Variants in STC1 observed in about 807,000 individuals in gnomAD.
STC1 encodes stanniocalcin-1.
A neutral mutation model predicts 22.6 loss-of-function variants in STC1; 7 were observed. The ratio of observed to expected loss-of-function variants is 0.31; its 90% CI spans 0.18 to 0.58. STC1 has a LOEUF of 0.58. Ranked by LOEUF, STC1 falls within the 20% of genes least tolerant of loss-of-function variation. STC1 has a pLI of 0.89. For synonymous variants in STC1, 113 were observed against 120.7 expected (o/e 0.94, Z 0.42); for missense variants, 224 against 311.0 (o/e 0.72, Z 2.10).
At chr8:23,853,035 AAAAGAAAGAAAGAAAG>A (rs34552249) in intron 1 of STC1, among the ~76,000 whole-genome samples, 7 of 150,708 alleles carry the variant, frequency 4.6e-5, no homozygotes, top group African/African-American at 1.7e-4. Flanking sequence ...AGCCTTTTAA[AAAAGAAAGAAAGAAAG>A]AAAGAAAGAA....
At chr8:23,854,022 A>G in intron 1 of STC1, 1 of 1,034,186 alleles carries the variant, frequency 9.7e-7, no homozygotes, top group Admixed American at 4.8e-5. Context: ...GAAGAGGGAC[A>G]GCATCAAACA....
At chr8:23,846,251 C>G (rs1426723103) in intron 3 of STC1, among the ~76,000 whole-genome samples, 3 of 152,190 alleles carry the variant, frequency 2.0e-5, no homozygotes, top group Non-Finnish European at 4.4e-5. Flanking sequence ...AAGGATTAAA[C>G]TGTCTAATAT....
Position 23,844,853 on chromosome 8 carries a change from T to C in STC1, c.661A>G (p.Lys221Glu), listed in dbSNP as rs1802552835. The change falls in exon 4 of 4, where the codon AAG becomes GAG. Residue 221 changes from lysine to glutamate, a missense_variant. Coordinates refer to ENST00000290271, the MANE Select transcript of STC1 (RefSeq NM_003155.3). ...AGGTTCCTGAGGAGGACTTTCAGCT[T>C]CTGCGGCTCATTGGTGCGTCTCCTG... is the stretch of plus-strand genomic sequence containing the variant. ...FNRRRTNEPQKLKVLLRNLRG... is the reference protein window; with the variant it reads ...FNRRRTNEPQELKVLLRNLRG... 2.5e-6 allele frequency: 4 copies of C among 1,614,082 alleles called. No individual in the cohort carries two copies. The highest frequency in any genetic ancestry group is 3.4e-6 in the Non-Finnish European group (4 of 1,180,018).
At chr8:23,848,930 A>C (rs1802605151) in intron 3 of STC1, among the ~76,000 whole-genome samples, 1 of 152,136 alleles carries the variant, frequency 6.6e-6, no homozygotes, top group Admixed American at 6.6e-5. Context: ...GGGTTGGTCT[A>C]AGTGGTTCCC....
chr8:23,845,973 G>T (rs1802567507), intron 3 of STC1, among the ~76,000 whole-genome samples: 1 of 152,166 alleles, frequency 6.6e-6, no homozygotes, highest in South Asian at 2.1e-4. Flanking sequence ...GGCAGGATTT[G>T]TGTCCTTCTT....
At chr8:23,845,512 C>T (rs150319295) in intron 3 of STC1, among the ~76,000 whole-genome samples, 368 of 152,044 alleles carry the variant, frequency 2.4e-3, no homozygotes, top group Non-Finnish European at 3.9e-3. Flanking sequence ...TATTTTGATG[C>T]TTTTTTGTAA....
intron 1 of STC1, among the ~76,000 whole-genome samples, chr8:23,853,090 G>T (rs1182393836): frequency 6.6e-6 from 1 of 151,806 alleles, no homozygotes; most frequent in Admixed American, 6.6e-5. Flanking sequence ...GAATAACCAG[G>T]CCAAGGCCTC....
At chr8:23,849,470 A>T (rs1402930067) in intron 3 of STC1, among the ~76,000 whole-genome samples, 1 of 152,170 alleles carries the variant, frequency 6.6e-6, no homozygotes, top group African/African-American at 2.4e-5. Context: ...GGGAGATAAG[A>T]AGACTTTCTT....
chr8:23,844,438 A>G lies in STC1; in HGVS notation c.*332T>C. The stretch of plus-strand genomic sequence containing the variant: ...CTAAAGGGATCCACATCTTCAAATT[A>G]CAATGGCTGGAGAGTTACATGAATG... On this transcript the variant is annotated 3_prime_UTR_variant, in exon 4 of 4. Coordinates refer to ENST00000290271, the MANE Select transcript of STC1 (RefSeq NM_003155.3). 2 of 336,112 alleles carry G rather than the reference A, an allele frequency of 6.0e-6. No homozygotes were observed. Among genetic ancestry groups the G allele is most frequent in the Non-Finnish European group, 5.6e-6 (1 of 179,434 alleles). 20.8% of individuals were successfully genotyped at this position (336,112 alleles called of 1,614,324 possible).
chr8:23,846,025 A>G (rs1802568184), intron 3 of STC1, among the ~76,000 whole-genome samples: 1 of 152,170 alleles, frequency 6.6e-6, no homozygotes, highest in Non-Finnish European at 1.5e-5. Context: ...ACATTGCCTG[A>G]TCACTGCACA....
chr8:23,854,584 T>G lies in STC1; in HGVS notation c.-61A>C. 7.5e-7 allele frequency: 1 copy of G among 1,336,690 alleles called. No individual in the cohort carries two copies. Among genetic ancestry groups the G allele is most frequent in the Non-Finnish European group, 1.1e-6 (1 of 928,630 alleles). The allele number at this position is 1,336,690 out of a possible 1,614,324, so 82.8% of individuals were successfully genotyped here. On this transcript the variant is annotated 5_prime_UTR_variant, in exon 1 of 4. Transcript: ENST00000290271. ...TTTTTTTCCTGCCCCCCTTTCCTCT[T>G]TCCCTCTCCTGGCTTGAGTGAAGAT... is the stretch of plus-strand genomic sequence containing the variant.
Position 23,851,331 on chromosome 8 carries a change from G to T in STC1, c.462C>A (p.His154Gln), listed in dbSNP as rs766008147. ...GACTCAGTTTGTACCTGTTGGAGAA[G>T]TGATTGGGCAGCTGGACGACCTCAG... ...AITEVVQLPN[H>Q]FSNRYYNRLV... The change falls in exon 3 of 4, where the codon CAC becomes CAA. Residue 154 changes from histidine (H) to glutamine (Q), a missense_variant. Coordinates refer to ENST00000290271, the MANE Select transcript of STC1 (RefSeq NM_003155.3). 6.2e-7 allele frequency: 1 copy of T among 1,614,174 alleles called. No individual in the cohort carries two copies. Among genetic ancestry groups the T allele is most frequent in the Non-Finnish European group, 8.5e-7 (1 of 1,180,036 alleles).
Position 23,854,698 on chromosome 8 carries a change from G to A in STC1, c.-175C>T. The A allele has an allele frequency of 1.4e-6, 1 of 713,116 alleles. No homozygotes were observed. The highest frequency in any genetic ancestry group is 1.5e-5 in the South Asian group (1 of 67,682). The allele number at this position is 713,116 out of a possible 1,614,324, so 44.2% of individuals were successfully genotyped here. A position where few individuals can be genotyped will look rare whatever the true frequency, so the allele number is the denominator to read the frequency against. On this transcript the variant is annotated 5_prime_UTR_variant, in exon 1 of 4. Coordinates refer to ENST00000290271, the MANE Select transcript of STC1 (RefSeq NM_003155.3). ...GCTGGTGATGCTGCTGCTGCCACCG[G>A]TGCCTCCGCTGCTGCTGCTGCTGCC...
intron 3 of STC1, among the ~76,000 whole-genome samples, chr8:23,850,008 AACCATTTAGAAC>A (rs1290237153): frequency 1.2e-4 from 18 of 152,302 alleles, no homozygotes; most frequent in Non-Finnish European, 1.5e-4. Flanking sequence ...GTTCTGAGGA[AACCATTTAGAAC>A]CCCATGATAA....
intron 1 of STC1, 23 bp downstream of exon 1, chr8:23,854,383 C>T: frequency 6.2e-7 from 1 of 1,605,562 alleles, no homozygotes; most frequent in Non-Finnish European, 8.5e-7. Context: ...GGGGGAGAAA[C>T]CGCTCTTGGG....
chr8:23,850,402 T>C (rs1456235273), intron 3 of STC1, among the ~76,000 whole-genome samples: 2 of 152,112 alleles, frequency 1.3e-5, no homozygotes, highest in Non-Finnish European at 2.9e-5. Context: ...GGGAGTCAAG[T>C]TTTTAGGCTG....
At chr8:23,846,100 G>A (rs1454130067) in intron 3 of STC1, among the ~76,000 whole-genome samples, 1 of 152,148 alleles carries the variant, frequency 6.6e-6, no homozygotes, top group East Asian at 1.9e-4. Flanking sequence ...TCTCCAATAA[G>A]TAGTGATTCC....
intron 1 of STC1, chr8:23,854,002 AAGAGG>A (rs1289526052): frequency 2.0e-6 from 2 of 1,019,746 alleles, no homozygotes; most frequent in Non-Finnish European, 2.4e-6. Flanking sequence ...GTAGAGTCTT[AAGAGG>A]AAAGGAAGAG....
At chr8:23,851,868 T>A (rs1279554662) in intron 2 of STC1, among the ~76,000 whole-genome samples, 1 of 152,154 alleles carries the variant, frequency 6.6e-6, no homozygotes, top group Admixed American at 6.5e-5. Flanking sequence ...CAAAAGCTAG[T>A]ATGCTAGGTC....
Sources: gnomAD v4.1 joint callset for allele counts (sites outside exome capture counted in the v4.1 genomes callset) on GRCh38, gnomAD v4.1.1 for gene constraint, MANE v1.5 for transcripts, NCBI Gene and HGNC (gene_info 2026-07-23, HGNC 2026-07-21) for gene names.